Variants in RBM33 observed in about 807,000 individuals in gnomAD.
The protein encoded by RBM33 is RNA binding motif protein 33.
In RBM33, 28 loss-of-function variants were observed where a neutral mutation model predicts 132.6. The observed-to-expected ratio is 0.21, with a 90% CI of 0.16 to 0.29. The LOEUF (loss-of-function observed/expected upper bound fraction) is 0.29, where lower values mean the gene tolerates loss of function less well. Ranked by LOEUF, RBM33 falls within the 10% of genes least tolerant of loss-of-function variation. The pLI is 1.00. For synonymous variants in RBM33, 634 were observed against 593.0 expected (o/e 1.07, Z -1.01); for missense variants, 1,291 against 1,518.5 (o/e 0.85, Z 2.49).
chr7:155,715,303 T>G (rs1475822548), intron 8 of RBM33, among the ~76,000 whole-genome samples: 1 of 152,248 alleles, frequency 6.6e-6, no homozygotes, highest in Non-Finnish European at 1.5e-5. Context: ...TAATTTTGCT[T>G]ATGCTAGCAT....
rs150555251 is a variant in RBM33, at chr7:155,701,848, C to T, written c.739+904C>T. Among the ~76,000 whole-genome samples the T allele has an allele frequency of 2.5e-3, 388 of 152,178 alleles. 3 individuals are homozygous for T. Among genetic ancestry groups the T allele is most frequent in the African/African-American group, 8.9e-3 (370 of 41,530 alleles). On this transcript the variant is annotated intron_variant, in intron 6 of 17. Transcript: ENST00000401878. ...GTCTACAGGTGCGTGCCACCACACC[C>T]GGCTAGTTTTTGTGTTTTTAGTAGA...
intron 9 of RBM33, among the ~76,000 whole-genome samples, chr7:155,727,982 C>T (rs897818110): frequency 1.8e-4 from 28 of 152,228 alleles, no homozygotes; most frequent in Non-Finnish European, 2.8e-4. Flanking sequence ...GTTGCCTAGG[C>T]TGGTCTCGAA....
In RBM33 at chr7:155,666,532, TTAGA is replaced by T. The variant is rs527589397; in HGVS notation, c.122+1283_122+1286del. Among the ~76,000 whole-genome samples, 132 of 152,328 alleles carry T rather than the reference TTAGA, an allele frequency of 8.7e-4. 2 individuals carry two copies. Among genetic ancestry groups the T allele is most frequent in the Admixed American group, 3.2e-3 (49 of 15,302 alleles). ...AATCAGCCAGTATGCATTCTAAAAG[TTAGA>T]TAGTGCTTAAAAACGATGTCTTTCC... On this transcript the variant is annotated intron_variant, in intron 2 of 17. Transcript: ENST00000401878.
intron 1 of RBM33, among the ~76,000 whole-genome samples, chr7:155,653,730 C>T (rs1798417878): frequency 6.6e-6 from 1 of 152,186 alleles, no homozygotes; most frequent in African/African-American, 2.4e-5. Context: ...CTTCATCTGG[C>T]TCTTCATTTG....
intron 16 of RBM33, among the ~76,000 whole-genome samples, chr7:155,769,885 C>T (rs1197195276): frequency 6.6e-6 from 1 of 152,130 alleles, no homozygotes; most frequent in Non-Finnish European, 1.5e-5. Context: ...GAAGCCACAA[C>T]GGAAAAGCTA....
chr7:155,739,815 A>AC lies in RBM33; in HGVS notation c.1840dup (p.Gln614ProfsTer71). On this transcript the variant is annotated frameshift_variant, in exon 12 of 18. Transcript: ENST00000401878. LOFTEE classifies it high-confidence loss of function. Reference sequence around the variant, plus strand: ...CACCAGCCTCCGCACCAGCCCCCGCACCAGCCCCCGCCCCAGCACCAGCCC... The same window carrying AC: ...CACCAGCCTCCGCACCAGCCCCCGCACCCAGCCCCCGCCCCAGCACCAGCCC... The AC allele has an allele frequency of 3.7e-5, 15 of 403,154 alleles. No individual in the cohort carries two copies. Among genetic ancestry groups the AC allele is most frequent in the Admixed American group, 3.5e-4 (6 of 16,938 alleles). The allele number at this position is 403,154 out of a possible 1,614,324, so 25.0% of individuals were successfully genotyped here. A position where few individuals can be genotyped will look rare whatever the true frequency, so the allele number is the denominator to read the frequency against.
chr7:155,686,624 C>T (rs1799486330), intron 5 of RBM33, among the ~76,000 whole-genome samples: 1 of 151,952 alleles, frequency 6.6e-6, no homozygotes, highest in Non-Finnish European at 1.5e-5. Flanking sequence ...TGCTGTCCCT[C>T]CCCGCTCCCC....
At chr7:155,672,103 A>AT (rs372446216) in intron 2 of RBM33, among the ~76,000 whole-genome samples, 32 of 149,070 alleles carry the variant, frequency 2.1e-4, no homozygotes, top group South Asian at 1.1e-3. Flanking sequence ...TTTAAAATTT[A>AT]TTTTTTTTTT....
chr7:155,742,713 CTGT>C (rs1319642993), intron 13 of RBM33, among the ~76,000 whole-genome samples: 2 of 152,194 alleles, frequency 1.3e-5, no homozygotes, highest in East Asian at 3.8e-4. Flanking sequence ...TATGTTGTTG[CTGT>C]TGTTCCTAAT....
chr7:155,712,160 G>C (rs893148241), intron 8 of RBM33, among the ~76,000 whole-genome samples: 3 of 152,222 alleles, frequency 2.0e-5, no homozygotes, highest in Non-Finnish European at 2.9e-5. Flanking sequence ...GCAGTGGTGA[G>C]TGTCCCTCTT....
intron 1 of RBM33, among the ~76,000 whole-genome samples, chr7:155,659,226 G>C (rs368850327): frequency 6.6e-6 from 1 of 152,076 alleles, no homozygotes; most frequent in Non-Finnish European, 1.5e-5. Flanking sequence ...AAGCCTGAAA[G>C]TATGGCCCAT....
intron 6 of RBM33, among the ~76,000 whole-genome samples, chr7:155,703,491 A>G (rs758307584): frequency 2.0e-5 from 3 of 152,234 alleles, no homozygotes; most frequent in Non-Finnish European, 2.9e-5. Context: ...TGGCAAGATG[A>G]TAGGGCAGGT....
chr7:155,704,970 A>G (rs12698278), intron 6 of RBM33, among the ~76,000 whole-genome samples: 32,858 of 152,168 alleles, frequency 0.22, 4,156 homozygotes, highest in Admixed American at 0.37. Context: ...TTTAAAAAAA[A>G]GTCAGACTGT....
At chr7:155,762,150 T>C (rs1317791902) in intron 14 of RBM33, among the ~76,000 whole-genome samples, 3 of 152,208 alleles carry the variant, frequency 2.0e-5, no homozygotes, top group African/African-American at 7.2e-5. Flanking sequence ...CAGGCAGCCA[T>C]GTGGGGAGAG....
intron 16 of RBM33, among the ~76,000 whole-genome samples, chr7:155,772,796 G>A (rs1802474363): frequency 6.6e-6 from 1 of 152,200 alleles, no homozygotes; most frequent in Non-Finnish European, 1.5e-5. Flanking sequence ...GGGGTAGCCT[G>A]TGCGCAGGCC....
chr7:155,646,906 A>G (rs574126726), intron 1 of RBM33, among the ~76,000 whole-genome samples: 2 of 152,370 alleles, frequency 1.3e-5, no homozygotes, highest in East Asian at 1.9e-4. Context: ...TGGTGAATGA[A>G]TTAAAGGATG....
At chr7:155,683,296 A>T (rs888637141) in intron 5 of RBM33, among the ~76,000 whole-genome samples, 1 of 152,202 alleles carries the variant, frequency 6.6e-6, no homozygotes, top group African/African-American at 2.4e-5. Context: ...CTGTCTTCGG[A>T]GGCTGTCACT....
In RBM33 at chr7:155,771,793, A is replaced by G. The variant is rs183348503; in HGVS notation, c.3376-2766A>G. 2.8e-3 allele frequency among the ~76,000 whole-genome samples: 420 copies of G among 152,234 alleles called. 1 individual carries two copies. The highest frequency in any genetic ancestry group is 0.01 in the Middle Eastern group (3 of 294). ...GTCACCCAGGCTGGAGTGCAGTGGT[A>G]TGATCCTGTGATCATGATTCACTGC... is the stretch of plus-strand genomic sequence containing the variant. On this transcript the variant is annotated intron_variant, in intron 16 of 17. Transcript: ENST00000401878.
At chr7:155,673,579 C>T (rs554401624) in intron 3 of RBM33, among the ~76,000 whole-genome samples, 23 of 83,238 alleles carry the variant, frequency 2.8e-4, no homozygotes, top group Admixed American at 5.3e-4. Context: ...TACATACACA[C>T]GTGTATATAT....
Sources: gnomAD v4.1 joint callset for allele counts (sites outside exome capture counted in the v4.1 genomes callset) on GRCh38, gnomAD v4.1.1 for gene constraint, MANE v1.5 for transcripts, NCBI Gene and HGNC (gene_info 2026-07-23, HGNC 2026-07-21) for gene names.